Variants in SAMD5 observed in about 807,000 individuals in gnomAD.
SAMD5 encodes sterile alpha motif domain-containing protein 5.
A neutral mutation model predicts 11.3 loss-of-function variants in SAMD5; 13 were observed. That is an observed-to-expected ratio of 1.15 (90% CI 0.75 to 1.83). SAMD5 has a LOEUF of 1.83. Among genes scored for constraint, SAMD5 ranks in the 40% most tolerant of loss-of-function variants. The probability of loss-of-function intolerance (pLI) is 0.00; values close to 1 mark genes in which losing one functional copy is unlikely to be tolerated. For synonymous variants in SAMD5, 129 were observed against 111.3 expected, an observed-to-expected ratio of 1.16 and a Z score of -1.00; for missense variants, 255 against 239.1, an observed-to-expected ratio of 1.07 and a Z score of -0.44.
At chr6:147,876,318 G>C in the SAMD5 span, among the ~76,000 whole-genome samples, 1 of 152,202 alleles carries the variant, frequency 6.6e-6, no homozygotes, top group Non-Finnish European at 1.5e-5. Context: ...TCATTTCGGA[G>C]TAGCTAGTCA....
chr6:147,774,120 G>A, the SAMD5 span, among the ~76,000 whole-genome samples: 2 of 152,174 alleles, frequency 1.3e-5, no homozygotes, highest in South Asian at 4.1e-4. Context: ...GAGATTATAA[G>A]TGTGAGCCAC....
intron 1 of SAMD5, among the ~76,000 whole-genome samples, chr6:147,603,746 A>G (rs1022978754): frequency 6.6e-6 from 1 of 152,158 alleles, no homozygotes; most frequent in Non-Finnish European, 1.5e-5. Context: ...GACATTTGGC[A>G]TATTTATGAA....
At chr6:147,864,781 A>G in the SAMD5 span, among the ~76,000 whole-genome samples, 1 of 152,208 alleles carries the variant, frequency 6.6e-6, no homozygotes, top group Non-Finnish European at 1.5e-5. Context: ...TCTGAACCTT[A>G]TGATATCCCA....
chr6:147,699,812 G>A (rs1206449633), intron 1 of SAMD5, among the ~76,000 whole-genome samples: 4 of 152,184 alleles, frequency 2.6e-5, no homozygotes, highest in East Asian at 1.9e-4. Context: ...AAGACTCAGG[G>A]TACTATGAAG....
the SAMD5 span, among the ~76,000 whole-genome samples, chr6:147,828,181 ATCATTGCTCAATT>A: frequency 3.0e-4 from 46 of 152,300 alleles, no homozygotes; most frequent in South Asian, 9.3e-3. Flanking sequence ...TAAACTCCTG[ATCATTGCTCAATT>A]AATATTTCTT....
At chr6:147,896,702 A>T in the SAMD5 span, among the ~76,000 whole-genome samples, 22 of 146,972 alleles carry the variant, frequency 1.5e-4, no homozygotes, top group Non-Finnish European at 2.2e-4. Context: ...GAGTTTTTTT[A>T]AAAAAATTCA....
chr6:147,807,765 C>T, the SAMD5 span, among the ~76,000 whole-genome samples: 2 of 152,266 alleles, frequency 1.3e-5, no homozygotes, highest in South Asian at 4.2e-4. Context: ...TTACTTGTGT[C>T]TCTACCCAGG....
At chr6:147,901,595 G>C in the SAMD5 span, among the ~76,000 whole-genome samples, 8 of 144,528 alleles carry the variant, frequency 5.5e-5, no homozygotes, top group South Asian at 2.3e-4. Flanking sequence ...ATTATACTCA[G>C]GGTAGCCAGA....
intron 1 of SAMD5, among the ~76,000 whole-genome samples, chr6:147,704,279 A>G (rs542817598): frequency 6.6e-6 from 1 of 152,242 alleles, no homozygotes; most frequent in Non-Finnish European, 1.5e-5. Flanking sequence ...GTGGCCTACA[A>G]AAAGAGGCAT....
At chr6:147,532,580 C>A (rs1788446070) in intron 1 of SAMD5, among the ~76,000 whole-genome samples, 1 of 152,150 alleles carries the variant, frequency 6.6e-6, no homozygotes, top group African/African-American at 2.4e-5. Flanking sequence ...GCAAATTGTG[C>A]TGCTATAAAC....
At chr6:147,661,889 A>G (rs1180799953) in intron 1 of SAMD5, among the ~76,000 whole-genome samples, 3 of 152,104 alleles carry the variant, frequency 2.0e-5, no homozygotes, top group Admixed American at 6.5e-5. Context: ...TCGGCCTCCC[A>G]AATTGCTGGG....
At chr6:147,896,786 AGT>A in the SAMD5 span, among the ~76,000 whole-genome samples, 7 of 143,678 alleles carry the variant, frequency 4.9e-5, no homozygotes, top group African/African-American at 1.9e-4. Context: ...AAAGTGTGAA[AGT>A]GTGCAGTTTG....
In SAMD5 at chr6:147,643,685, T is replaced by C. The variant is rs909473718; in HGVS notation, c.163-93632T>C. Among the ~76,000 whole-genome samples the C allele has an allele frequency of 8.0e-5, 12 of 149,422 alleles. 2 individuals carry two copies. Among genetic ancestry groups the C allele is most frequent in the Admixed American group, 7.4e-4 (11 of 14,812 alleles). ...GTTACTCAGAATTTGGTGTATTTTA[T>C]GGAAGACTTTACTAAAAGGAAAGAG... On this transcript the variant is annotated intron_variant, in intron 1 of 1. Transcript: ENST00000566741.
chr6:147,874,365 T>C, the SAMD5 span, among the ~76,000 whole-genome samples: 1 of 152,204 alleles, frequency 6.6e-6, no homozygotes, highest in Admixed American at 6.5e-5. Context: ...ATTCCTATTA[T>C]TGAAAAGCTG....
At chr6:147,932,591 TGTGTGTGTGTGTG>T in the SAMD5 span, among the ~76,000 whole-genome samples, 1 of 2,122 alleles carries the variant, frequency 4.7e-4, no homozygotes, top group East Asian at 0.015. Context: ...TACAGAATTG[TGTGTGTGTGTGTG>T]TGTGTGTGTG....
chr6:147,838,834 C>A, the SAMD5 span, among the ~76,000 whole-genome samples: 1 of 152,076 alleles, frequency 6.6e-6, no homozygotes, highest in African/African-American at 2.4e-5. Context: ...CACATATCAT[C>A]GGTAAGGGCC....
intron 1 of SAMD5, among the ~76,000 whole-genome samples, chr6:147,651,396 C>T (rs971027170): frequency 2.0e-5 from 3 of 152,180 alleles, no homozygotes; most frequent in African/African-American, 7.2e-5. Context: ...TTGCTAGTTG[C>T]TATGGTCTGA....
chr6:147,538,900 T>A (rs1413699256), intron 1 of SAMD5, among the ~76,000 whole-genome samples: 2 of 152,218 alleles, frequency 1.3e-5, no homozygotes, highest in Non-Finnish European at 2.9e-5. Context: ...CTTAAGTGCT[T>A]TTTTTAAGCC....
intron 1 of SAMD5, among the ~76,000 whole-genome samples, chr6:147,525,720 G>T (rs1788327599): frequency 6.6e-6 from 1 of 152,114 alleles, no homozygotes; most frequent in African/African-American, 2.4e-5. Context: ...CACAAAGTCT[G>T]ATGAAGAGAG....
Sources: allele counts gnomAD v4.1 joint callset (sites outside exome capture counted in the v4.1 genomes callset), GRCh38; gene constraint gnomAD v4.1.1; transcripts MANE v1.5; gene names NCBI Gene and HGNC (gene_info 2026-07-23, HGNC 2026-07-21).